NEGR1: variants seen among roughly 807,000 people sequenced by gnomAD.
NEGR1 encodes the protein neuronal growth regulator 1.
In NEGR1, 10 loss-of-function variants were observed where a neutral mutation model predicts 40.9. The observed-to-expected ratio is 0.24, with a 90% confidence interval of 0.15 to 0.42. The LOEUF is 0.42. Ranked by LOEUF, NEGR1 falls within the 10% of genes least tolerant of loss-of-function variation. NEGR1 has a pLI of 1.00. For synonymous variants in NEGR1, 185 were observed against 166.8 expected (o/e 1.11, Z -0.84); for missense variants, 352 against 438.9 (o/e 0.80, Z 1.77).
chr1:72,199,397 C>T (rs1248504725), intron 1 of NEGR1, among the ~76,000 whole-genome samples: 1 of 151,898 alleles, frequency 6.6e-6, no homozygotes, highest in Non-Finnish European at 1.5e-5. Flanking sequence ...GCATTGAGGA[C>T]AAAGAGCTTA....
chr1:71,702,388 G>A (rs2101633259), intron 3 of NEGR1, among the ~76,000 whole-genome samples: 1 of 152,074 alleles, frequency 6.6e-6, no homozygotes, highest in South Asian at 2.1e-4. Flanking sequence ...TAATATCACT[G>A]TCATAACTTA....
At chr1:71,791,234 A>G (rs1657102802) in intron 2 of NEGR1, among the ~76,000 whole-genome samples, 3 of 152,084 alleles carry the variant, frequency 2.0e-5, no homozygotes, top group African/African-American at 4.8e-5. Context: ...CATTATTAAA[A>G]TTAAATAATA....
At chr1:71,618,240 T>C (rs1650505861) in intron 4 of NEGR1, among the ~76,000 whole-genome samples, 1 of 152,126 alleles carries the variant, frequency 6.6e-6, no homozygotes, top group African/African-American at 2.4e-5. Context: ...ACACCCGAAC[T>C]AGGAAGGAAT....
intron 1 of NEGR1, among the ~76,000 whole-genome samples, chr1:72,131,865 G>A (rs1324872437): frequency 2.6e-5 from 4 of 152,154 alleles, no homozygotes; most frequent in Admixed American, 6.5e-5. Context: ...GGGAGGCTGA[G>A]ATGGGAGGAT....
chr1:72,075,646 G>A (rs1466146352), intron 1 of NEGR1, among the ~76,000 whole-genome samples: 1 of 152,098 alleles, frequency 6.6e-6, no homozygotes, highest in Non-Finnish European at 1.5e-5. Context: ...TGACTACCCA[G>A]GTCCTTTCAA....
At chr1:71,942,459 A>C (rs1230395846) in intron 1 of NEGR1, among the ~76,000 whole-genome samples, 37 of 6,406 alleles carry the variant, frequency 5.8e-3, no homozygotes, top group Non-Finnish European at 0.011. Flanking sequence ...TTAAATCTAT[A>C]TATATATATA....
At chr1:71,946,809 A>G (rs990114589) in intron 1 of NEGR1, among the ~76,000 whole-genome samples, 2 of 152,030 alleles carry the variant, frequency 1.3e-5, no homozygotes, top group African/African-American at 4.8e-5. Context: ...ATATTTATAT[A>G]TGTATCCCAC....
chr1:71,827,976 A>G (rs1367560325), intron 2 of NEGR1, among the ~76,000 whole-genome samples: 5 of 152,008 alleles, frequency 3.3e-5, no homozygotes, highest in Non-Finnish European at 5.9e-5. Context: ...AGATTCTGAA[A>G]GAATTCAATA....
intron 1 of NEGR1, among the ~76,000 whole-genome samples, chr1:72,083,489 G>A (rs1490522609): frequency 6.6e-6 from 1 of 152,028 alleles, no homozygotes; most frequent in African/African-American, 2.4e-5. Flanking sequence ...TTCAAAAGTA[G>A]TTGGGACTAC....
Position 72,267,713 on chromosome 1 carries a change from G to A in NEGR1, c.176+14606C>T, listed in dbSNP as rs546554699. ...TATTTGCAAAAGAATTAAAAATATC[G>A]TTTGCTTTGTTGGTAAAATAAAGCA... On this transcript the variant is annotated intron_variant, in intron 1 of 6. Transcript: ENST00000357731. Among the ~76,000 whole-genome samples, 10 of 151,064 alleles carry A rather than the reference G, an allele frequency of 6.6e-5. 1 individual carries two copies. The highest frequency in any genetic ancestry group is 6.2e-4 in the South Asian group (3 of 4,828).
chr1:72,162,292 A>AAAAAAAGTAAAAAT (rs149586363), intron 1 of NEGR1, among the ~76,000 whole-genome samples: 1 of 144,658 alleles, frequency 6.9e-6, no homozygotes, highest in Non-Finnish European at 1.5e-5. Context: ...CCTCTACTAA[A>AAAAAAAGTAAAAAT]AAAAAATAAA....
intron 1 of NEGR1, among the ~76,000 whole-genome samples, chr1:72,069,083 C>A (rs1261007190): frequency 6.6e-6 from 1 of 151,966 alleles, no homozygotes; most frequent in Non-Finnish European, 1.5e-5. Flanking sequence ...AAAAGGATTT[C>A]TTTATAGCAT....
chr1:72,048,509 A>G (rs1647023974), intron 1 of NEGR1, among the ~76,000 whole-genome samples: 1 of 151,448 alleles, frequency 6.6e-6, no homozygotes, highest in Non-Finnish European at 1.5e-5. Flanking sequence ...AATTCTTAAT[A>G]CATATTTACC....
intron 2 of NEGR1, among the ~76,000 whole-genome samples, chr1:71,866,775 T>C (rs1002297882): frequency 8.5e-5 from 13 of 152,182 alleles, no homozygotes; most frequent in Non-Finnish European, 1.9e-4. Flanking sequence ...CTGTTGTATG[T>C]TTTATAAATA....
chr1:71,988,541 G>A (rs1001479697), intron 1 of NEGR1, among the ~76,000 whole-genome samples: 5 of 59,452 alleles, frequency 8.4e-5, no homozygotes, highest in African/African-American at 3.2e-4. Flanking sequence ...GCGAGACTCC[G>A]TCTCAAAAAA....
chr1:72,078,812 TG>T (rs1437354131), intron 1 of NEGR1, among the ~76,000 whole-genome samples: 1 of 150,674 alleles, frequency 6.6e-6, no homozygotes, highest in Non-Finnish European at 1.5e-5. Context: ...GCTAATTTTT[TG>T]TATTCTTAGT....
At chr1:72,037,689 C>A (rs563299934) in intron 1 of NEGR1, among the ~76,000 whole-genome samples, 1 of 152,218 alleles carries the variant, frequency 6.6e-6, no homozygotes, top group East Asian at 1.9e-4. Flanking sequence ...TCATGAATAT[C>A]TGTTTACAAG....
At chr1:71,526,020 G>A (rs994670493) in intron 6 of NEGR1, among the ~76,000 whole-genome samples, 5 of 151,528 alleles carry the variant, frequency 3.3e-5, no homozygotes, top group African/African-American at 1.2e-4. Flanking sequence ...TGTTAAGGAA[G>A]AAAGAATTGA....
chr1:71,476,499 A>G (rs116145311), intron 6 of NEGR1, among the ~76,000 whole-genome samples: 1 of 152,166 alleles, frequency 6.6e-6, no homozygotes, highest in African/African-American at 2.4e-5. Flanking sequence ...TGGGGGCCTT[A>G]GGCCAGCCAG....
Sources: allele counts gnomAD v4.1 joint callset (sites outside exome capture counted in the v4.1 genomes callset), GRCh38; gene constraint gnomAD v4.1.1; transcripts MANE v1.5; gene names NCBI Gene and HGNC (gene_info 2026-07-23, HGNC 2026-07-21).